FCGR1A: variants seen among roughly 807,000 people sequenced by gnomAD.
The protein encoded by FCGR1A is Fc gamma receptor Ia, also known as high affinity immunoglobulin gamma Fc receptor I.
A neutral mutation model predicts 35.0 loss-of-function variants in FCGR1A; 13 were observed. The observed-to-expected ratio is 0.37, with a 90% CI of 0.24 to 0.59. The LOEUF (loss-of-function observed/expected upper bound fraction) is 0.59, where lower values mean the gene tolerates loss of function less well. Among genes scored for constraint, FCGR1A ranks in the 20% least tolerant of loss-of-function variants. The pLI, the probability that FCGR1A is intolerant of heterozygous loss-of-function variation, is 0.71. For missense variants in FCGR1A, 227 were observed against 430.0 expected, an observed-to-expected ratio of 0.53 and a Z score of 4.17; for synonymous variants, 91 against 164.7, an observed-to-expected ratio of 0.55 and a Z score of 3.43.
intron 4 of FCGR1A, among the ~76,000 whole-genome samples, chr1:149,789,415 A>G (rs1211071778): frequency 4.0e-5 from 6 of 150,134 alleles, no homozygotes; most frequent in South Asian, 4.2e-4. Flanking sequence ...TAATAATAAT[A>G]ATAATGATGA....
chr1:149,787,407 G>A (rs1294435843), intron 3 of FCGR1A: 8 of 152,204 alleles, frequency 5.3e-5, no homozygotes, highest in African/African-American at 1.9e-4. Flanking sequence ...GGTGTATGTC[G>A]AAAGGAAAAG....
At chr1:149,789,036 G>C (rs2091627859) in intron 4 of FCGR1A, among the ~76,000 whole-genome samples, 1 of 151,828 alleles carries the variant, frequency 6.6e-6, no homozygotes, top group Non-Finnish European at 1.5e-5. Context: ...CTACCTCTCA[G>C]GGACAAAGCA....
intron 4 of FCGR1A, among the ~76,000 whole-genome samples, chr1:149,789,208 C>T (rs1392876450): frequency 6.6e-6 from 1 of 151,364 alleles, no homozygotes; most frequent in East Asian, 1.9e-4. Context: ...AAATTATTGT[C>T]CCAGATTATC....
Position 149,791,141 on chromosome 1 carries a change from A to G in FCGR1A, c.845-96A>G, listed in dbSNP as rs1408189708. ...CCAGTGCCTCCCTGAGGACAGGCAC[A>G]TCAGGTCTCAGCCAACCTTCCCTTC... is the stretch of plus-strand genomic sequence containing the variant. On this transcript the variant is annotated intron_variant, in intron 5 of 5. Coordinates refer to ENST00000369168, the MANE Select transcript of FCGR1A (RefSeq NM_000566.4). 3 of 1,595,410 alleles carry G rather than the reference A, an allele frequency of 1.9e-6. No homozygotes were observed. In the African/African-American group the frequency reaches 4.0e-5, roughly 21 times the overall value.
At chr1:149,800,259 C>T in the FCGR1A span, among the ~76,000 whole-genome samples, 1 of 152,220 alleles carries the variant, frequency 6.6e-6, no homozygotes, top group African/African-American at 2.4e-5. Flanking sequence ...CTTCAGGAAC[C>T]TCTACATGTT....
chr1:149,789,005 A>G (rs139143969), intron 4 of FCGR1A, among the ~76,000 whole-genome samples: 3,301 of 150,770 alleles, frequency 0.022, 110 homozygotes, highest in African/African-American at 0.078. Flanking sequence ...GAAAATATGA[A>G]GAACGGGCTA....
Position 149,790,245 on chromosome 1 carries a change from A to G in FCGR1A, c.751A>G (p.Arg251Gly). 2.5e-6 allele frequency: 4 copies of G among 1,608,256 alleles called. No individual in the cohort carries two copies. Among genetic ancestry groups the G allele is most frequent in the South Asian group, 1.1e-5 (1 of 89,954 alleles). ...TSSEYQILTA[R>G]REDSGLYWCE... ...CTCTGAATACCAAATACTAACTGCTAGAAGAGAAGACTCTGGGTTATACTG... is the reference window on the plus strand; with the variant it reads ...CTCTGAATACCAAATACTAACTGCTGGAAGAGAAGACTCTGGGTTATACTG... The change falls in exon 5 of 6, where the codon AGA (arginine) becomes GGA (glycine). Residue 251 changes from arginine (R) to glycine (G), a missense_variant. Physicochemically the swap from Arg to Gly is moderately radical, Grantham distance 125 (BLOSUM62 -2). Around this residue, in one of 3 missense-constraint regions of FCGR1A, gnomAD observed 185 missense variants for 306.6 expected, o/e 0.60. Transcript: ENST00000369168.
Position 149,789,977 on chromosome 1 carries a change from G to A in FCGR1A, c.560-77G>A. ...TTTCTAGGGCCAGGTTTCCCAAGGG[G>A]GTAAAGGGCATGTCTTTTGTGAAAA... On this transcript the variant is annotated intron_variant, in intron 4 of 5. Coordinates refer to ENST00000369168, the MANE Select transcript of FCGR1A (RefSeq NM_000566.4). The A allele has an allele frequency of 5.6e-6, 9 of 1,612,498 alleles. No homozygotes were observed. In the South Asian group the frequency reaches 7.7e-5, roughly 14 times the overall value.
In FCGR1A at chr1:149,788,519, C is replaced by T. The variant is rs1553751158; in HGVS notation, c.461C>T (p.Thr154Ile). The T allele has an allele frequency of 6.2e-7, 1 of 1,613,718 alleles. No homozygotes were observed. Among genetic ancestry groups the T allele is most frequent in the African/African-American group, 1.3e-5 (1 of 74,848 alleles). ...TTTTTCCACTGGAATTCTAACCTCA[C>T]CATTCTGAAAACCAACATAAGTCAC... ...FKFFHWNSNL[T>I]ILKTNISHNG... Residue 154 changes from threonine to isoleucine, a missense_variant, in exon 4 of 6, where the codon ACC becomes ATC. This residue lies in a region of FCGR1A where 185 missense variants were observed against 306.6 expected (regional missense o/e 0.60). Transcript: ENST00000369168.
chr1:149,794,028 C>G (rs1256410442), downstream of FCGR1A: 1 of 685,526 alleles, frequency 1.5e-6, no homozygotes, highest in Non-Finnish European at 2.3e-6. Flanking sequence ...TGACAGCTGG[C>G]TGGGAGGGGG....
At chr1:149,791,144 A>C in intron 5 of FCGR1A, 93 bp from the exon 6 acceptor site, 3 of 1,597,608 alleles carry the variant, frequency 1.9e-6, no homozygotes, top group Non-Finnish European at 2.6e-6. Context: ...CAGGCACATC[A>C]GGTCTCAGCC....
chr1:149,793,046 C>T (rs782500533), downstream of FCGR1A: 33 of 1,260,688 alleles, frequency 2.6e-5, no homozygotes, highest in South Asian at 2.8e-4. Context: ...TCCCGGGCCC[C>T]GGCGCGGCGC....
Position 149,784,248 on chromosome 1 carries a change from A to C in FCGR1A, c.298A>C (p.Ile100Leu), listed in dbSNP as rs782068172. The C allele has an allele frequency of 1.2e-6, 2 of 1,611,072 alleles. No individual in the cohort carries two copies. The highest frequency in any genetic ancestry group is 2.2e-5 in the South Asian group (2 of 90,976). ...SGRSDPIQLEIHRGWLLLQVS... is the reference protein window; with the variant it reads ...SGRSDPIQLELHRGWLLLQVS... The stretch of plus-strand genomic sequence containing the variant: ...GCGAAGTGACCCCATACAGCTGGAA[A>C]TCCACAGAGGTAATTATGACTTGGA... Residue 100 changes from isoleucine to leucine, a missense_variant, in exon 3 of 6, where the codon ATC becomes CTC. Coordinates refer to ENST00000369168, the MANE Select transcript of FCGR1A (RefSeq NM_000566.4).
chr1:149,796,243 T>C (rs2091798926), downstream of FCGR1A, among the ~76,000 whole-genome samples: 1 of 152,114 alleles, frequency 6.6e-6, no homozygotes, highest in African/African-American at 2.4e-5. Context: ...AAAGAATAAA[T>C]TGTGGAGAGG....
chr1:149,791,193 G>A, intron 5 of FCGR1A, 44 bp from the exon 6 acceptor site: 2 of 1,605,544 alleles, frequency 1.2e-6, no homozygotes, highest in Admixed American at 1.7e-5. Context: ...AGACCCCTCT[G>A]GTCTCTAAAT....
intron 3 of FCGR1A, among the ~76,000 whole-genome samples, 158 bp downstream of exon 3, chr1:149,784,415 C>T (rs2091485035): frequency 1.3e-5 from 2 of 152,106 alleles, no homozygotes; most frequent in African/African-American, 4.8e-5. Flanking sequence ...CTCAAAACAT[C>T]ACAGCAGGGT....
chr1:149,789,197 G>C (rs1269822581), intron 4 of FCGR1A, among the ~76,000 whole-genome samples: 3 of 151,406 alleles, frequency 2.0e-5, no homozygotes, highest in Admixed American at 1.3e-4. Flanking sequence ...CTGTGGGAAA[G>C]AAATTATTGT....
downstream of FCGR1A, among the ~76,000 whole-genome samples, chr1:149,795,759 G>A (rs1392661098): frequency 6.7e-6 from 1 of 150,222 alleles, no homozygotes; most frequent in African/African-American, 2.5e-5. Flanking sequence ...CTGTAAGGCC[G>A]CTTATAAAAA....
the FCGR1A span, among the ~76,000 whole-genome samples, chr1:149,797,842 G>A: frequency 2.6e-5 from 4 of 152,102 alleles, no homozygotes; most frequent in Non-Finnish European, 5.9e-5. Context: ...ATAATTGGGA[G>A]GCCAAGGCGA....
Sources: allele counts gnomAD v4.1 joint callset (sites outside exome capture counted in the v4.1 genomes callset), GRCh38; gene constraint gnomAD v4.1.1; regional missense constraint gnomAD v4.1.1; transcripts MANE v1.5; gene names NCBI Gene and HGNC (gene_info 2026-07-23, HGNC 2026-07-21).